The following NRG3 variants were observed in gnomAD, a reference collection of about 807,000 sequenced individuals.
NRG3 encodes neuregulin 3, also known as pro-neuregulin-3, membrane-bound isoform.
A neutral mutation model predicts 66.9 loss-of-function variants in NRG3; 31 were observed. The ratio of observed to expected loss-of-function variants is 0.46; its 90% CI spans 0.35 to 0.63. The LOEUF (loss-of-function observed/expected upper bound fraction) is 0.63, where lower values mean the gene tolerates loss of function less well. Ranked by LOEUF, NRG3 falls within the 20% of genes least tolerant of loss-of-function variation. The probability of loss-of-function intolerance (pLI) is 0.00; values close to 1 mark genes in which losing one functional copy is unlikely to be tolerated. For synonymous variants in NRG3, 393 were observed against 359.4 expected, an observed-to-expected ratio of 1.09 and a Z score of -1.06; for missense variants, 910 against 878.9, an observed-to-expected ratio of 1.04 and a Z score of -0.45.
intron 1 of NRG3, among the ~76,000 whole-genome samples, chr10:81,999,645 T>A (rs1311023976): frequency 6.6e-6 from 1 of 152,208 alleles, no homozygotes; most frequent in Non-Finnish European, 1.5e-5. Context: ...TACAAATAGA[T>A]TCATATGTGC....
chr10:81,876,937 T>C (rs1223023610), intron 1 of NRG3, among the ~76,000 whole-genome samples: 1 of 152,062 alleles, frequency 6.6e-6, no homozygotes, highest in Non-Finnish European at 1.5e-5. Flanking sequence ...GGAGTTTTTT[T>C]CAGCCCTGCC....
chr10:82,471,137 G>A lies in NRG3; in HGVS notation c.953+112269G>A, dbSNP rs113261805. 2.3e-3 allele frequency among the ~76,000 whole-genome samples: 357 copies of A among 152,280 alleles called. 2 individuals carry two copies. Among genetic ancestry groups the A allele is most frequent in the African/African-American group, 7.0e-3 (290 of 41,538 alleles). On this transcript the variant is annotated intron_variant, in intron 2 of 8. Transcript: ENST00000372141. Reference sequence around the variant, plus strand: ...ATTAGGCACACAGACACTTCGAAGGGTGAGAAGGGCAGGCTTTATTGGATG... The same window carrying A: ...ATTAGGCACACAGACACTTCGAAGGATGAGAAGGGCAGGCTTTATTGGATG...
intron 2 of NRG3, among the ~76,000 whole-genome samples, chr10:82,716,744 C>T (rs2056996646): frequency 6.6e-6 from 1 of 152,160 alleles, no homozygotes; most frequent in African/African-American, 2.4e-5. Flanking sequence ...CTAATAACAT[C>T]ATAGGAAGCA....
chr10:82,733,311 A>G (rs2058008110), intron 2 of NRG3, among the ~76,000 whole-genome samples: 1 of 152,250 alleles, frequency 6.6e-6, no homozygotes, highest in Non-Finnish European at 1.5e-5. Flanking sequence ...AGGCATAAAA[A>G]TGACTAAAAT....
At chr10:81,930,054 G>A (rs1424741081) in intron 1 of NRG3, among the ~76,000 whole-genome samples, 1 of 152,150 alleles carries the variant, frequency 6.6e-6, no homozygotes, top group African/African-American at 2.4e-5. Context: ...CCTTTCTGCT[G>A]CCTTGGAGCA....
chr10:81,946,703 C>T (rs1225031594), intron 1 of NRG3, among the ~76,000 whole-genome samples: 1 of 152,224 alleles, frequency 6.6e-6, no homozygotes, highest in South Asian at 2.1e-4. Context: ...TACACTCATA[C>T]AAAAATGAAA....
intron 3 of NRG3, among the ~76,000 whole-genome samples, chr10:82,810,263 A>C (rs1434254359): frequency 1.3e-5 from 2 of 152,170 alleles, no homozygotes; most frequent in Non-Finnish European, 2.9e-5. Flanking sequence ...ATTTCCTTTG[A>C]AAAGTTTTAA....
intron 4 of NRG3, among the ~76,000 whole-genome samples, chr10:82,919,257 T>C (rs764542031): frequency 1.3e-5 from 2 of 152,182 alleles, no homozygotes; most frequent in Non-Finnish European, 2.9e-5. Context: ...TGTACATACG[T>C]GTGCACCCTT....
intron 1 of NRG3, among the ~76,000 whole-genome samples, chr10:82,022,034 G>A (rs1564745531): frequency 1.3e-5 from 2 of 151,598 alleles, no homozygotes; most frequent in Admixed American, 1.3e-4. Flanking sequence ...TTTCTGAAAG[G>A]CAGCATCAAA....
intron 1 of NRG3, among the ~76,000 whole-genome samples, chr10:81,981,229 T>C (rs1269429542): frequency 1.3e-5 from 2 of 152,156 alleles, no homozygotes; most frequent in African/African-American, 4.8e-5. Flanking sequence ...TGAAGCAGAA[T>C]TTCACTCCAG....
intron 1 of NRG3, among the ~76,000 whole-genome samples, chr10:81,973,182 C>G (rs535746623): frequency 6.6e-6 from 1 of 152,228 alleles, no homozygotes; most frequent in African/African-American, 2.4e-5. Context: ...TGTTCCTGTG[C>G]TAATTGCTAA....
chr10:82,461,758 T>C (rs2091526047), intron 2 of NRG3, among the ~76,000 whole-genome samples: 1 of 152,176 alleles, frequency 6.6e-6, no homozygotes, highest in Non-Finnish European at 1.5e-5. Context: ...ATGAGGCATA[T>C]GGCATAAGCT....
chr10:82,869,381 T>C (rs1841069718), intron 4 of NRG3, among the ~76,000 whole-genome samples: 1 of 152,248 alleles, frequency 6.6e-6, no homozygotes, highest in Admixed American at 6.5e-5. Flanking sequence ...TGACTCATCA[T>C]TATCATTCAA....
At chr10:82,315,735 G>A (rs928952204) in intron 1 of NRG3, among the ~76,000 whole-genome samples, 1 of 149,638 alleles carries the variant, frequency 6.7e-6, no homozygotes, top group Non-Finnish European at 1.5e-5. Context: ...GCACCGTGTC[G>A]GCTCGCTGCA....
chr10:82,725,640 C>A (rs1470268943), intron 2 of NRG3, among the ~76,000 whole-genome samples: 6 of 152,218 alleles, frequency 3.9e-5, no homozygotes, highest in Admixed American at 3.9e-4. Context: ...ATGGATTTAG[C>A]AAATAAAATA....
intron 1 of NRG3, among the ~76,000 whole-genome samples, chr10:81,951,804 T>C (rs1849379167): frequency 6.6e-6 from 1 of 152,212 alleles, no homozygotes. Context: ...ATCATGCTGC[T>C]ATAAAGACAC....
intron 1 of NRG3, among the ~76,000 whole-genome samples, chr10:82,121,052 G>T (rs185936626): frequency 1.3e-5 from 2 of 151,976 alleles, no homozygotes; most frequent in Non-Finnish European, 2.9e-5. Flanking sequence ...TGTAATATTT[G>T]TCTCCATCAT....
At chr10:82,841,951 A>C (rs2063075667) in intron 3 of NRG3, among the ~76,000 whole-genome samples, 1 of 152,172 alleles carries the variant, frequency 6.6e-6, no homozygotes. Context: ...TAGCCACAGA[A>C]AAAATTGGGA....
Position 82,983,793 on chromosome 10 carries a change from ATTTG to A in NRG3, c.1584-1301_1584-1298del, listed in dbSNP as rs1455152627. Among the ~76,000 whole-genome samples, 4 of 152,310 alleles carry A rather than the reference ATTTG, an allele frequency of 2.6e-5. No homozygotes were observed. The South Asian group carries it at 6.2e-4, about 24-fold the overall frequency. On this transcript the variant is annotated intron_variant, in intron 8 of 8. Coordinates refer to ENST00000372141, the MANE Select transcript of NRG3 (RefSeq NM_001010848.4). ...TATAAAGGGAGAGTTTACCTTGAAG[ATTTG>A]TTTATGTATTCATGTGTTCACTCAG... is the stretch of plus-strand genomic sequence containing the variant.
Sources: gnomAD v4.1 joint callset for allele counts (sites outside exome capture counted in the v4.1 genomes callset) on GRCh38, gnomAD v4.1.1 for gene constraint, MANE v1.5 for transcripts, NCBI Gene and HGNC (gene_info 2026-07-23, HGNC 2026-07-21) for gene names.